The following TPCN1 variants were observed in gnomAD, a reference collection of about 807,000 sequenced individuals.
The protein encoded by TPCN1 is two pore segment channel 1, also known as two pore channel protein 1.
In TPCN1, 52 loss-of-function variants were observed where a neutral mutation model predicts 108.8. The observed-to-expected ratio is 0.48, with a 90% CI of 0.38 to 0.60. The LOEUF (loss-of-function observed/expected upper bound fraction) is 0.60. TPCN1 is among the 20% of genes least tolerant of loss of function. The pLI, the probability that TPCN1 is intolerant of heterozygous loss-of-function variation, is 0.00. For missense variants in TPCN1, 806 were observed against 1,072.8 expected, an observed-to-expected ratio of 0.75 and a Z score of 3.47; for synonymous variants, 446 against 433.7, an observed-to-expected ratio of 1.03 and a Z score of -0.35.
intron 1 of TPCN1, among the ~76,000 whole-genome samples, chr12:113,223,290 A>G (rs1042119693): frequency 4.6e-5 from 7 of 152,188 alleles, no homozygotes; most frequent in Admixed American, 1.3e-4. Context: ...AGTTGTTCCA[A>G]TGATTCGAGG....
At position 113,269,656 on chromosome 12, in the gene TPCN1, T is replaced by G; in HGVS notation, c.660-101T>G. 1.0e-6 allele frequency: 1 copy of G among 992,432 alleles called. No homozygotes were observed. 61.5% of individuals were successfully genotyped at this position (992,432 alleles called of 1,614,324 possible). On this transcript the variant is annotated intron_variant, in intron 6 of 27. Transcript: ENST00000335509. The surrounding 1 kb of genome is among the most constrained non-coding windows in gnomAD (Gnocchi z 5.0). ...CACACCAGAGTGCGTCAGGGTTTAG[T>G]ATTTCGAGTCAGAAGCACTAGGCCT...
intron 3 of TPCN1, among the ~76,000 whole-genome samples, chr12:113,261,390 C>CT (rs957827830): frequency 3.5e-4 from 26 of 74,962 alleles, no homozygotes; most frequent in Admixed American, 6.4e-4. Context: ...TTATAGTCTG[C>CT]TTTTTTTTTT....
chr12:113,273,017 C>T lies in TPCN1; in HGVS notation c.784-215C>T, dbSNP rs2136651386. Among the ~76,000 whole-genome samples the T allele has an allele frequency of 6.6e-6, 1 of 152,322 alleles. No homozygotes were observed. The highest frequency in any genetic ancestry group is 2.1e-4 in the South Asian group (1 of 4,832). The stretch of plus-strand genomic sequence containing the variant: ...GTGACTCCCTAGAAAAAAGTCCCCC[C>T]AAGTCAATAGTTTGCTTCTGCCGGA... On this transcript the variant is annotated intron_variant, in intron 8 of 27. Transcript: ENST00000335509. The surrounding 1 kb of genome is among the most constrained non-coding windows in gnomAD (Gnocchi z 4.0).
intron 2 of TPCN1, among the ~76,000 whole-genome samples, chr12:113,246,817 C>T (rs1179427781): frequency 3.3e-5 from 5 of 152,188 alleles, no homozygotes; most frequent in African/African-American, 4.8e-5. Flanking sequence ...TTGCTTCTTC[C>T]GTGGTCCGTA....
At chr12:113,258,436 A>G (rs571383616) in intron 2 of TPCN1, among the ~76,000 whole-genome samples, 3 of 152,190 alleles carry the variant, frequency 2.0e-5, no homozygotes, top group Non-Finnish European at 4.4e-5. Flanking sequence ...ATTGCATTCC[A>G]GCCTGGGTGA....
chr12:113,251,250 A>G (rs1593120134), intron 2 of TPCN1, among the ~76,000 whole-genome samples: 1 of 152,300 alleles, frequency 6.6e-6, no homozygotes, highest in Middle Eastern at 3.4e-3. Context: ...GCAGTGAGCC[A>G]TGATAGTGCC....
At chr12:113,246,096 C>T (rs752824389) in intron 2 of TPCN1, 2 of 451,512 alleles carry the variant, frequency 4.4e-6, no homozygotes, top group South Asian at 3.1e-5. Context: ...TCCTCTGCAC[C>T]GGGATGTCTC....
chr12:113,245,338 C>T (rs1197039563), intron 2 of TPCN1, among the ~76,000 whole-genome samples: 2 of 121,160 alleles, frequency 1.7e-5, no homozygotes, highest in Non-Finnish European at 3.4e-5. Flanking sequence ...TGGCTCACGC[C>T]TGTAATCCCA....
chr12:113,277,063 TG>T (rs1489585603), intron 11 of TPCN1, 28 bp downstream of exon 11: 1 of 1,598,956 alleles, frequency 6.3e-7, no homozygotes. Flanking sequence ...GGGAGGGGCT[TG>T]GTCCCTGTCC....
intron 14 of TPCN1, among the ~76,000 whole-genome samples, chr12:113,279,376 TATATATATATATATA>T (rs1327796113): frequency 3.1e-5 from 1 of 32,490 alleles, no homozygotes; most frequent in South Asian, 1.1e-3. Flanking sequence ...TATATATATA[TATATATATATATATA>T]TTTTTTTTTT....
Position 113,288,408 on chromosome 12 carries a change from C to G in TPCN1, c.1706+174C>G. 1.3e-6 allele frequency: 2 copies of G among 1,484,214 alleles called. No homozygotes were observed. The highest frequency in any genetic ancestry group is 1.8e-6 in the Non-Finnish European group (2 of 1,119,384). The allele number at this position is 1,484,214 out of a possible 1,614,324, so 91.9% of individuals were successfully genotyped here. A position where few individuals can be genotyped will look rare whatever the true frequency, so the allele number is the denominator to read the frequency against. On this transcript the variant is annotated intron_variant, in intron 20 of 27. Transcript: ENST00000335509. The surrounding 1 kb of genome is among the most constrained non-coding windows in gnomAD (Gnocchi z 4.8). ...TGACCACCACAGGTCTCCTGGGCAC[C>G]ATTTTTCTCCACTGACCTGTCTGAC...
chr12:113,279,883 T>C (rs1955830146), intron 14 of TPCN1, among the ~76,000 whole-genome samples: 1 of 152,194 alleles, frequency 6.6e-6, no homozygotes, highest in Non-Finnish European at 1.5e-5. Context: ...TTTGTCCTGC[T>C]CTATCTTGGT....
chr12:113,290,272 T>C lies in TPCN1; in HGVS notation c.1912+29T>C, dbSNP rs111600851. ...AGTGGGAAAAATCACAGGGGGCACA[T>C]TCCCTGGGGACCCCACCCTTGTCAC... On this transcript the variant is annotated intron_variant, in intron 22 of 27. Transcript: ENST00000335509. The C allele has an allele frequency of 4.1e-3, 5,988 of 1,455,288 alleles. 16 individuals carry two copies. Among genetic ancestry groups the C allele is most frequent in the Non-Finnish European group, 5.0e-3 (5,263 of 1,054,064 alleles). The allele number at this position is 1,455,288 out of a possible 1,614,324, so 90.1% of individuals were successfully genotyped here.
intron 2 of TPCN1, among the ~76,000 whole-genome samples, chr12:113,246,339 A>G (rs1008942788): frequency 6.6e-6 from 1 of 152,198 alleles, no homozygotes; most frequent in African/African-American, 2.4e-5. Flanking sequence ...TTCCCAAGAG[A>G]GCTGTCTGCC....
rs1183952212 is a variant in TPCN1 at position 113,277,162 on chromosome 12, G to A, written c.1060-78G>A. On this transcript the variant is annotated intron_variant, in intron 11 of 27. Transcript: ENST00000335509. ...CCCTGCCCTTGGAAGAATGAACAGA[G>A]CTGGAGTGGATCTGGAGTGGGTGCC... The A allele has an allele frequency of 2.5e-6, 4 of 1,607,894 alleles. No individual in the cohort carries two copies. The South Asian group carries it at 3.3e-5, about 13-fold the overall frequency.
At chr12:113,262,216 G>T (rs921074057) in intron 3 of TPCN1, among the ~76,000 whole-genome samples, 1 of 152,062 alleles carries the variant, frequency 6.6e-6, no homozygotes, top group African/African-American at 2.4e-5. Context: ...TGAAATTCAA[G>T]CCTGGGCAAC....
At chr12:113,259,110 G>A (rs1046291983) in intron 2 of TPCN1, among the ~76,000 whole-genome samples, 3 of 151,856 alleles carry the variant, frequency 2.0e-5, no homozygotes, top group African/African-American at 2.4e-5. Context: ...CTGAGTAGCT[G>A]GGATTACAGG....
At chr12:113,286,748 C>A (rs1363302250) in intron 18 of TPCN1, among the ~76,000 whole-genome samples, 1 of 152,220 alleles carries the variant, frequency 6.6e-6, no homozygotes, top group East Asian at 1.9e-4. Flanking sequence ...GGTTCCCGGG[C>A]ATTTCTGGCC....
In TPCN1 at chr12:113,231,769, G is replaced by A. The variant is rs1338759458; in HGVS notation, c.112+4805G>A. 6.6e-6 allele frequency among the ~76,000 whole-genome samples: 1 copy of A among 152,186 alleles called. No individual in the cohort carries two copies. ...CTGCAGTGCTAATGAATGACTCACAGGCAGCATGGTGTCAGGTTGATAAAG... is the reference window on the plus strand; with the variant it reads ...CTGCAGTGCTAATGAATGACTCACAAGCAGCATGGTGTCAGGTTGATAAAG... On this transcript the variant is annotated intron_variant, in intron 2 of 27. Coordinates refer to ENST00000335509, the MANE Select transcript of TPCN1 (RefSeq NM_017901.6). This position sits in a 1 kb window ranked among gnomAD's most constrained non-coding sequence, Gnocchi z 4.3.
Sources: gnomAD v4.1 joint callset for allele counts (sites outside exome capture counted in the v4.1 genomes callset) on GRCh38, gnomAD v4.1.1 for gene constraint, Gnocchi (gnomAD v3.1) non-coding constraint, MANE v1.5 for transcripts, NCBI Gene and HGNC (gene_info 2026-07-23, HGNC 2026-07-21) for gene names.